VPS13D: variants seen among roughly 807,000 people sequenced by gnomAD.
VPS13D encodes the protein vacuolar protein sorting 13 homolog D.
A neutral mutation model predicts 461.9 loss-of-function variants in VPS13D; 187 were observed. The ratio of observed to expected loss-of-function variants is 0.40; its 90% confidence interval spans 0.36 to 0.46. The LOEUF (loss-of-function observed/expected upper bound fraction) is 0.46. VPS13D is among the 20% of genes least tolerant of loss of function. The probability of loss-of-function intolerance (pLI) is 0.60; values close to 1 mark genes in which losing one functional copy is unlikely to be tolerated. For synonymous variants in VPS13D, 1,951 were observed against 1,986.3 expected, an observed-to-expected ratio of 0.98 and a Z score of 0.47; for missense variants, 4,711 against 5,364.9, an observed-to-expected ratio of 0.88 and a Z score of 3.81.
chr1:12,405,780 C>T (rs1451976955), intron 63 of VPS13D, among the ~76,000 whole-genome samples: 1 of 152,186 alleles, frequency 6.6e-6, no homozygotes, highest in Non-Finnish European at 1.5e-5. Context: ...ACCCAGAGCA[C>T]TTGGCACTTG....
chr1:12,300,049 A>G (rs530291754), intron 25 of VPS13D, among the ~76,000 whole-genome samples: 1 of 151,966 alleles, frequency 6.6e-6, no homozygotes, highest in South Asian at 2.1e-4. Context: ...CTAGTAGTTG[A>G]TGTTAAACAA....
Position 12,403,806 on chromosome 1 carries a change from A to T in VPS13D, c.11882-19A>T, listed in dbSNP as rs775560856. The T allele has an allele frequency of 1.9e-6, 3 of 1,564,232 alleles. No homozygotes were observed. Among genetic ancestry groups the T allele is most frequent in the Admixed American group, 4.2e-5 (2 of 47,596 alleles). Reference sequence around the variant, plus strand: ...CTAAGAAATTCTTTTTTGTTTTTTTAATTCTTCCTTTGTACCAGAGGTGGA... The same window carrying T: ...CTAAGAAATTCTTTTTTGTTTTTTTTATTCTTCCTTTGTACCAGAGGTGGA... On this transcript the variant is annotated intron_variant, in intron 62 of 69. Coordinates refer to ENST00000620676, the MANE Select transcript of VPS13D (RefSeq NM_015378.4).
intron 21 of VPS13D, among the ~76,000 whole-genome samples, chr1:12,284,284 C>G (rs759257136): frequency 1.3e-5 from 2 of 152,174 alleles, no homozygotes; most frequent in African/African-American, 2.4e-5. Flanking sequence ...CCTCTTTTGC[C>G]CTTAATGTTT....
At chr1:12,288,839 C>T (rs1642047724) in intron 22 of VPS13D, among the ~76,000 whole-genome samples, 1 of 151,964 alleles carries the variant, frequency 6.6e-6, no homozygotes, top group Non-Finnish European at 1.5e-5. Flanking sequence ...GCAAAGCTGG[C>T]ATTCTTTATT....
chr1:12,374,364 T>G (rs1644168459), intron 55 of VPS13D, among the ~76,000 whole-genome samples: 1 of 152,148 alleles, frequency 6.6e-6, no homozygotes, highest in African/African-American at 2.4e-5. Flanking sequence ...AGTTTGACAT[T>G]TTAGGTTTTT....
At position 12,489,177 on chromosome 1, in the gene VPS13D, GA is replaced by G. The variant is rs1036641772; in HGVS notation, c.12663-8315del. On this transcript the variant is annotated intron_variant, in intron 67 of 69. Transcript: ENST00000620676. ...TCTCGCCCCTGAGGCAGTTGACTAA[GA>G]AAAAAAATCTGGAGTATTTTTGTCT... is the stretch of plus-strand genomic sequence containing the variant. Among the ~76,000 whole-genome samples the G allele has an allele frequency of 3.3e-5, 5 of 151,916 alleles. No individual in the cohort carries two copies. In the East Asian group the frequency reaches 7.7e-4, roughly 23 times the overall value.
intron 22 of VPS13D, among the ~76,000 whole-genome samples, chr1:12,289,094 T>C (rs916596628): frequency 1.3e-5 from 2 of 152,164 alleles, no homozygotes; most frequent in African/African-American, 2.4e-5. Context: ...CTCCTGCCTC[T>C]GCCTCCCAAA....
intron 62 of VPS13D, among the ~76,000 whole-genome samples, chr1:12,402,114 A>T (rs1219325754): frequency 6.6e-6 from 1 of 152,216 alleles, no homozygotes; most frequent in Non-Finnish European, 1.5e-5. Flanking sequence ...TCCCTTTGGC[A>T]GTTCCTTTGG....
chr1:12,274,404 A>G (rs1021920568), intron 18 of VPS13D, among the ~76,000 whole-genome samples: 2 of 152,014 alleles, frequency 1.3e-5, no homozygotes, highest in African/African-American at 2.4e-5. Flanking sequence ...TTGAACTCCT[A>G]ACCTCAAAGT....
chr1:12,320,190 A>G (rs1210646671), intron 32 of VPS13D, among the ~76,000 whole-genome samples: 1 of 152,258 alleles, frequency 6.6e-6, no homozygotes, highest in Non-Finnish European at 1.5e-5. Context: ...CTCTCATGTC[A>G]TCTCATGAAG....
Position 12,497,568 on chromosome 1 carries a change from C to G in VPS13D, c.12731C>G (p.Ser4244Cys). 3 of 1,614,162 alleles carry G rather than the reference C, an allele frequency of 1.9e-6. No homozygotes were observed. In the South Asian group the frequency reaches 3.3e-5, roughly 18 times the overall value. Residue 4244 changes from serine (S) to cysteine (C), a missense_variant, in exon 68 of 70, where the codon TCT becomes TGT. Transcript: ENST00000620676. The stretch of plus-strand genomic sequence containing the variant: ...CCCCAGGGGCTGCTTCCCCGATATT[C>G]TGAGAGCCAGGCGGAAGGACAGGAG... ...TGPQGLLPRYSESQAEGQEQL... is the reference protein window; with the variant it reads ...TGPQGLLPRYCESQAEGQEQL...
chr1:12,308,559 T>A lies in VPS13D; in HGVS notation c.6568T>A (p.Ser2190Thr). 1 of 1,613,424 alleles carries A rather than the reference T, an allele frequency of 6.2e-7. No homozygotes were observed. The highest frequency in any genetic ancestry group is 8.5e-7 in the Non-Finnish European group (1 of 1,179,836). Residue 2190 changes from serine (S) to threonine (T), a missense_variant, in exon 27 of 70, where the codon TCC (serine) becomes ACC (threonine). By Grantham distance (58) the Ser-to-Thr change is moderately conservative. Around this residue, in one of 3 missense-constraint regions of VPS13D, gnomAD observed 4,411 missense variants for 4,937.8 expected, o/e 0.89. Transcript: ENST00000620676. The stretch of plus-strand genomic sequence containing the variant: ...TAGTAGTGGAGATCTGATCTTCCCT[T>A]CCTATTTTGTGCGACAGACAGGAGG... The part of the protein sequence containing the change: ...EDSSGDLIFP[S>T]YFVRQTGGSL...
intron 68 of VPS13D, chr1:12,499,499 G>A (rs1646006642): frequency 1.0e-6 from 1 of 985,388 alleles, no homozygotes; most frequent in Non-Finnish European, 1.2e-6. Context: ...GCGTGGTACA[G>A]CCAACATAGG....
At chr1:12,369,755 A>G in intron 54 of VPS13D, 53 bp downstream of exon 54, 4 of 1,543,224 alleles carry the variant, frequency 2.6e-6, no homozygotes, top group African/African-American at 2.7e-5. Flanking sequence ...CTAATTATTA[A>G]CAGGTTTTAA....
intron 65 of VPS13D, among the ~76,000 whole-genome samples, chr1:12,427,240 ATT>A (rs765771679): frequency 2.2e-5 from 3 of 137,780 alleles, no homozygotes; most frequent in Non-Finnish European, 4.6e-5. Context: ...TATTGTCATT[ATT>A]TTATTATTAT....
At chr1:12,393,582 C>T (rs964766744) in intron 60 of VPS13D, among the ~76,000 whole-genome samples, 1 of 152,238 alleles carries the variant, frequency 6.6e-6, no homozygotes, top group Non-Finnish European at 1.5e-5. Flanking sequence ...CTGTCTTCTG[C>T]ACGGGCCAAA....
intron 33 of VPS13D, among the ~76,000 whole-genome samples, 184 bp downstream of exon 33, chr1:12,322,148 C>T (rs890342917): frequency 5.3e-5 from 8 of 152,130 alleles, no homozygotes; most frequent in Admixed American, 6.5e-5. Context: ...TCACTGCAAG[C>T]TCCACCTCCT....
intron 67 of VPS13D, chr1:12,478,823 G>A (rs574586132): frequency 6.6e-6 from 3 of 456,114 alleles, no homozygotes; most frequent in African/African-American, 4.0e-5. Context: ...AAACAGGGCT[G>A]ACACCACAGG....
chr1:12,446,562 A>G (rs934839196), intron 65 of VPS13D, among the ~76,000 whole-genome samples: 1 of 152,140 alleles, frequency 6.6e-6, no homozygotes. Context: ...TTCTCTCCAT[A>G]GTCCTCTTTC....
Sources: gnomAD v4.1 joint callset for allele counts (sites outside exome capture counted in the v4.1 genomes callset) on GRCh38, gnomAD v4.1.1 for gene constraint, gnomAD v4.1.1 regional missense constraint, MANE v1.5 for transcripts, NCBI Gene and HGNC (gene_info 2026-07-23, HGNC 2026-07-21) for gene names.